The following TCF12 variants were observed in gnomAD, a reference collection of about 807,000 sequenced individuals.
The protein encoded by TCF12 is transcription factor 12.
TCF12 carries 45 observed loss-of-function variants against 86.0 expected under a neutral mutation model. The ratio of observed to expected loss-of-function variants is 0.52; its 90% CI spans 0.41 to 0.67. The LOEUF is 0.67. Ranked by LOEUF, TCF12 falls within the 30% of genes least tolerant of loss-of-function variation. The pLI, the probability that TCF12 is intolerant of heterozygous loss-of-function variation, is 0.00. For synonymous variants in TCF12, 330 were observed against 299.6 expected (o/e 1.10, Z -1.05); for missense variants, 881 against 859.9 (o/e 1.02, Z -0.31).
intron 19 of TCF12, among the ~76,000 whole-genome samples, chr15:57,280,693 G>C (rs975077481): frequency 2.0e-5 from 3 of 152,230 alleles, no homozygotes. Context: ...AACGTAGTGA[G>C]ACCCCATCTC....
At chr15:57,224,934 T>G (rs772610555) in intron 8 of TCF12, among the ~76,000 whole-genome samples, 5 of 152,148 alleles carry the variant, frequency 3.3e-5, no homozygotes, top group Non-Finnish European at 4.4e-5. Context: ...AAATTACCAT[T>G]AAAAACTCTA....
At chr15:57,219,782 G>T (rs2058500267) in intron 8 of TCF12, among the ~76,000 whole-genome samples, 1 of 146,416 alleles carries the variant, frequency 6.8e-6, no homozygotes, top group African/African-American at 2.5e-5. Flanking sequence ...ATGGAGTGCA[G>T]TGGCTCGATC....
At chr15:57,101,024 T>C (rs2049705309) in intron 5 of TCF12, among the ~76,000 whole-genome samples, 1 of 152,180 alleles carries the variant, frequency 6.6e-6, no homozygotes, top group African/African-American at 2.4e-5. Context: ...ATTTTGAGTG[T>C]CAATTCACCA....
chr15:57,207,394 C>T (rs971252220), intron 8 of TCF12, among the ~76,000 whole-genome samples: 10 of 152,114 alleles, frequency 6.6e-5, no homozygotes, highest in African/African-American at 1.9e-4. Context: ...AGGCCGGGCG[C>T]GGTGGCTTAA....
At chr15:56,940,465 CTCT>C (rs1191919874) in intron 3 of TCF12, among the ~76,000 whole-genome samples, 183 of 150,402 alleles carry the variant, frequency 1.2e-3, no homozygotes, top group Middle Eastern at 3.5e-3. Context: ...TTTCTTCTTC[CTCT>C]TCTTCTTCTT....
At chr15:57,031,381 G>GA (rs1265781705) in intron 3 of TCF12, among the ~76,000 whole-genome samples, 1 of 46,196 alleles carries the variant, frequency 2.2e-5, no homozygotes, top group Non-Finnish European at 4.3e-5. Context: ...CTTGAGGTTT[G>GA]GGGGGTCAGA....
chr15:57,073,182 A>G (rs1210730506), intron 4 of TCF12, among the ~76,000 whole-genome samples: 4 of 152,216 alleles, frequency 2.6e-5, no homozygotes, highest in Non-Finnish European at 5.9e-5. Context: ...TTCTAGGCCC[A>G]TGAAATAACA....
At chr15:57,202,354 T>A (rs1449986823) in intron 8 of TCF12, among the ~76,000 whole-genome samples, 1 of 152,206 alleles carries the variant, frequency 6.6e-6, no homozygotes, top group Non-Finnish European at 1.5e-5. Flanking sequence ...TTTATTTGGC[T>A]TTGTTGTTTA....
chr15:56,975,256 G>T (rs903995449), intron 3 of TCF12, among the ~76,000 whole-genome samples: 7 of 152,110 alleles, frequency 4.6e-5, no homozygotes, highest in African/African-American at 1.7e-4. Context: ...ATGGTAACAG[G>T]TCTTTAAAAT....
Position 57,032,935 on chromosome 15 carries a change from CTG to C in TCF12, c.149-30812_149-30811del, listed in dbSNP as rs2066290386. Among the ~76,000 whole-genome samples, 5 of 152,276 alleles carry C rather than the reference CTG, an allele frequency of 3.3e-5. No individual in the cohort carries two copies. In the East Asian group the frequency reaches 7.7e-4, roughly 23 times the overall value. ...ATTATGAAAATGCTTGCATAAGCAA[CTG>C]TGAACATTTCTGCAACAAATGTTAC... is the stretch of plus-strand genomic sequence containing the variant. On this transcript the variant is annotated intron_variant, in intron 3 of 20. Coordinates refer to ENST00000333725, the MANE Select transcript of TCF12 (RefSeq NM_207037.2).
chr15:57,217,834 A>G (rs1299081007), intron 8 of TCF12, among the ~76,000 whole-genome samples: 1 of 152,166 alleles, frequency 6.6e-6, no homozygotes, highest in Non-Finnish European at 1.5e-5. Context: ...GCTATTGTTA[A>G]TTGTGAATCA....
intron 5 of TCF12, among the ~76,000 whole-genome samples, chr15:57,104,379 C>G (rs375101152): frequency 2.0e-5 from 3 of 150,010 alleles, no homozygotes. Flanking sequence ...ATACTAAGCA[C>G]GTTGATTCTT....
intron 16 of TCF12, among the ~76,000 whole-genome samples, chr15:57,260,997 G>A (rs2060561331): frequency 6.6e-6 from 1 of 152,142 alleles, no homozygotes; most frequent in South Asian, 2.1e-4. Context: ...AAAGTGGGAA[G>A]TAGGATGGAA....
chr15:56,971,242 C>T (rs12914625), intron 3 of TCF12, among the ~76,000 whole-genome samples: 64,874 of 151,084 alleles, frequency 0.43, 15,349 homozygotes, highest in Non-Finnish European at 0.54. Context: ...AGGCCAACAT[C>T]GCGCAACTCC....
intron 3 of TCF12, among the ~76,000 whole-genome samples, chr15:56,987,299 AAG>A (rs1362639000): frequency 6.6e-6 from 1 of 151,796 alleles, no homozygotes; most frequent in African/African-American, 2.4e-5. Flanking sequence ...ATTTTTAGTA[AAG>A]AGAGGGTTTC....
intron 5 of TCF12, among the ~76,000 whole-genome samples, chr15:57,106,449 G>A (rs976456250): frequency 3.2e-4 from 49 of 152,314 alleles, no homozygotes; most frequent in African/African-American, 1.0e-3. Context: ...GCACTTTTGC[G>A]TTTGGCTAGA....
intron 3 of TCF12, among the ~76,000 whole-genome samples, chr15:56,958,179 A>G (rs902219230): frequency 2.0e-5 from 3 of 151,522 alleles, no homozygotes; most frequent in Non-Finnish European, 2.9e-5. Flanking sequence ...TGCCCTGCCG[A>G]CTCTATGAGA....
At chr15:57,127,549 T>C (rs904109752) in intron 5 of TCF12, among the ~76,000 whole-genome samples, 2 of 152,188 alleles carry the variant, frequency 1.3e-5, no homozygotes, top group African/African-American at 4.8e-5. Flanking sequence ...TCCCAGTGCT[T>C]CCTGCACCGA....
In TCF12 at chr15:57,195,412, C is replaced by G. The variant is rs77122775; in HGVS notation, c.527-2361C>G. ...TCTAAGTAGAATGATAGGCTCTAAA[C>G]TGGTAGGGGCAGTTCAGTTGACTGT... On this transcript the variant is annotated intron_variant, in intron 7 of 20. Coordinates refer to ENST00000333725, the MANE Select transcript of TCF12 (RefSeq NM_207037.2). Among the ~76,000 whole-genome samples, 88 of 152,232 alleles carry G rather than the reference C, an allele frequency of 5.8e-4. 1 individual carries two copies. In the East Asian group the frequency reaches 0.016, roughly 27 times the overall value.
Sources: allele counts gnomAD v4.1 joint callset (sites outside exome capture counted in the v4.1 genomes callset), GRCh38; gene constraint gnomAD v4.1.1; transcripts MANE v1.5; gene names NCBI Gene and HGNC (gene_info 2026-07-23, HGNC 2026-07-21).